SCLT1: variants seen among roughly 807,000 people sequenced by gnomAD.
SCLT1 encodes sodium channel-associated protein 1.
A neutral mutation model predicts 112.8 loss-of-function variants in SCLT1; 78 were observed. The observed-to-expected ratio is 0.69, with a 90% CI of 0.58 to 0.83. SCLT1 has a LOEUF of 0.83. SCLT1 is among the 40% of genes least tolerant of loss of function. The pLI is 0.00. For missense variants in SCLT1, 747 were observed against 770.4 expected (o/e 0.97, Z 0.36); for synonymous variants, 257 against 254.7 (o/e 1.01, Z -0.09).
chr4:128,896,211 G>A (rs1050035437), intron 18 of SCLT1, among the ~76,000 whole-genome samples: 9 of 152,216 alleles, frequency 5.9e-5, no homozygotes, highest in Non-Finnish European at 1.3e-4. Flanking sequence ...GCACGCAGCT[G>A]GAGATCTGAG....
intron 2 of SCLT1, among the ~76,000 whole-genome samples, chr4:129,072,845 C>G (rs1446379722): frequency 6.6e-6 from 1 of 151,918 alleles, no homozygotes; most frequent in Non-Finnish European, 1.5e-5. Context: ...TCCTGGTGAA[C>G]TAGTGTGATT....
intron 18 of SCLT1, among the ~76,000 whole-genome samples, chr4:128,910,345 A>G (rs1266618102): frequency 6.6e-6 from 1 of 152,226 alleles, no homozygotes; most frequent in East Asian, 1.9e-4. Flanking sequence ...TTTAATGAAA[A>G]GTGAGGCTGA....
intron 10 of SCLT1, among the ~76,000 whole-genome samples, chr4:128,967,232 C>A (rs1740285760): frequency 6.6e-6 from 1 of 152,144 alleles, no homozygotes; most frequent in Non-Finnish European, 1.5e-5. Context: ...GTACACGTAC[C>A]ACATTTTCTT....
At chr4:128,962,994 GA>G (rs1294130860) in intron 11 of SCLT1, among the ~76,000 whole-genome samples, 2 of 151,924 alleles carry the variant, frequency 1.3e-5, no homozygotes, top group Non-Finnish European at 2.9e-5. Flanking sequence ...GAAGAAAGGC[GA>G]AAAAAATGAT....
chr4:129,033,120 T>A (rs1194902827), intron 5 of SCLT1, among the ~76,000 whole-genome samples: 1 of 152,072 alleles, frequency 6.6e-6, no homozygotes, highest in Non-Finnish European at 1.5e-5. Context: ...AAAGAAAATG[T>A]GGCACATATA....
At chr4:128,904,719 C>A (rs533956855) in intron 18 of SCLT1, among the ~76,000 whole-genome samples, 2 of 151,990 alleles carry the variant, frequency 1.3e-5, no homozygotes, top group Non-Finnish European at 2.9e-5. Flanking sequence ...ATCTAAAAGG[C>A]AAAATAAATA....
chr4:128,886,412 A>G (rs1732898901), intron 20 of SCLT1, among the ~76,000 whole-genome samples: 1 of 152,196 alleles, frequency 6.6e-6, no homozygotes, highest in East Asian at 1.9e-4. Flanking sequence ...ATTTAGTAGG[A>G]TATTATTTCT....
intron 14 of SCLT1, 56 bp downstream of exon 14, chr4:128,952,713 C>T: frequency 1.0e-6 from 1 of 955,704 alleles, no homozygotes; most frequent in Admixed American, 1.7e-5. Flanking sequence ...TAGTATATAT[C>T]TTGGCCTTTA....
intron 2 of SCLT1, among the ~76,000 whole-genome samples, chr4:129,072,237 G>A (rs531127756): frequency 4.1e-4 from 62 of 152,210 alleles, no homozygotes; most frequent in Non-Finnish European, 8.7e-4. Context: ...CAGGTCTTAA[G>A]ATTTTTTGCT....
intron 18 of SCLT1, among the ~76,000 whole-genome samples, chr4:128,927,110 TA>T (rs1004270066): frequency 2.6e-5 from 4 of 151,920 alleles, no homozygotes; most frequent in Admixed American, 2.0e-4. Context: ...TGAATTACAC[TA>T]AATATCAGTG....
Position 129,028,065 on chromosome 4 carries a change from C to T in SCLT1, c.290+10976G>A, listed in dbSNP as rs372590717. On this transcript the variant is annotated intron_variant, in intron 5 of 20. Transcript: ENST00000281142. ...TGGAAGAACATTCCATGCTCATGGG[C>T]AGGAAGAATCAATATTGTGAAAATG... Among the ~76,000 whole-genome samples, 31 of 152,126 alleles carry T rather than the reference C, an allele frequency of 2.0e-4. No homozygotes were observed. The East Asian group carries it at 3.1e-3, about 15-fold the overall frequency.
At chr4:129,090,087 T>C (rs1579986473) in intron 1 of SCLT1, among the ~76,000 whole-genome samples, 1 of 152,216 alleles carries the variant, frequency 6.6e-6, no homozygotes, top group African/African-American at 2.4e-5. Flanking sequence ...TAATACCATT[T>C]ACAGTAGTAT....
intron 18 of SCLT1, among the ~76,000 whole-genome samples, chr4:128,923,654 T>C (rs2125964080): frequency 6.6e-6 from 1 of 151,436 alleles, no homozygotes; most frequent in South Asian, 2.1e-4. Context: ...TTTTTCAATC[T>C]CCTTTTTGAG....
At chr4:129,075,937 G>C (rs889322182) in intron 2 of SCLT1, among the ~76,000 whole-genome samples, 1 of 151,992 alleles carries the variant, frequency 6.6e-6, no homozygotes, top group South Asian at 2.1e-4. Flanking sequence ...ATTCTTCCCT[G>C]CCTCAAGGCC....
chr4:128,906,493 C>T (rs564875047), intron 18 of SCLT1, among the ~76,000 whole-genome samples: 15 of 152,136 alleles, frequency 9.9e-5, no homozygotes, highest in South Asian at 2.1e-4. Context: ...TCACTGCACC[C>T]GGCCGATTAT....
At chr4:129,049,932 C>A (rs1748602176) in intron 2 of SCLT1, among the ~76,000 whole-genome samples, 1 of 152,090 alleles carries the variant, frequency 6.6e-6, no homozygotes, top group South Asian at 2.1e-4. Flanking sequence ...ATGTTCCCCT[C>A]CTTGTGTCCC....
chr4:128,941,013 T>C (rs1297753568), intron 17 of SCLT1, among the ~76,000 whole-genome samples: 1 of 152,192 alleles, frequency 6.6e-6, no homozygotes, highest in Non-Finnish European at 1.5e-5. Context: ...CTGTTTTTTT[T>C]TCTTAGATTG....
At chr4:128,900,195 C>CA (rs1431092455) in intron 18 of SCLT1, among the ~76,000 whole-genome samples, 1 of 151,842 alleles carries the variant, frequency 6.6e-6, no homozygotes, top group Non-Finnish European at 1.5e-5. Context: ...CATATGGAAC[C>CA]AAAAAAAGAG....
chr4:129,001,050 C>A (rs975522048), intron 6 of SCLT1, among the ~76,000 whole-genome samples: 15 of 151,902 alleles, frequency 9.9e-5, no homozygotes, highest in African/African-American at 3.6e-4. Context: ...TGGGTGTGAT[C>A]TCTAATTCCT....
Sources: allele counts gnomAD v4.1 joint callset (sites outside exome capture counted in the v4.1 genomes callset), GRCh38; gene constraint gnomAD v4.1.1; transcripts MANE v1.5; gene names NCBI Gene and HGNC (gene_info 2026-07-23, HGNC 2026-07-21).